CRMP1: variants seen among roughly 807,000 people sequenced by gnomAD.
CRMP1 encodes the protein collapsin response mediator protein 1.
Under a neutral mutation model 68.3 loss-of-function variants are expected in CRMP1, and 19 were observed. The ratio of observed to expected loss-of-function variants is 0.28; its 90% CI spans 0.19 to 0.41. The LOEUF (loss-of-function observed/expected upper bound fraction) is 0.41, where lower values mean the gene tolerates loss of function less well. Among genes scored for constraint, CRMP1 ranks in the 10% least tolerant of loss-of-function variants. CRMP1 has a pLI of 1.00. For synonymous variants in CRMP1, 439 were observed against 399.6 expected (o/e 1.10, Z -1.18); for missense variants, 791 against 967.4 (o/e 0.82, Z 2.42).
chr4:5,851,482 A>G lies in CRMP1; in HGVS notation c.821-13T>C. ...AAGGAATTGACGCCTGTTTCAAGAT[A>G]GAAAGGATAGAAAAATATGTTTAAG... On this transcript the variant is annotated splice_polypyrimidine_tract_variant and intron_variant, in intron 4 of 13. Transcript: ENST00000324989. The G allele has an allele frequency of 6.2e-7, 1 of 1,611,576 alleles. No individual in the cohort carries two copies. The highest frequency in any genetic ancestry group is 1.3e-5 in the African/African-American group (1 of 75,004).
chr4:5,893,069 C>G lies in CRMP1; in HGVS notation c.-100G>C, dbSNP rs1186533955. 1.2e-6 allele frequency: 1 copy of G among 832,472 alleles called. No homozygotes were observed. The highest frequency in any genetic ancestry group is 1.4e-6 in the Non-Finnish European group (1 of 691,324). 51.6% of individuals were successfully genotyped at this position (832,472 alleles called of 1,614,324 possible). On this transcript the variant is annotated 5_prime_UTR_variant, in exon 1 of 14. Transcript: ENST00000324989. ...TCCGCGCCTCGGTGCGGGCCTGCGGCGGCCCGGGCGCGACTGCGGCCCAGG... is the reference window on the plus strand; with the variant it reads ...TCCGCGCCTCGGTGCGGGCCTGCGGGGGCCCGGGCGCGACTGCGGCCCAGG...
chr4:5,892,550 CCGCCCCCCTCGTCTGGCCCGCG>C lies in CRMP1; in HGVS notation c.381+17_381+38del. On this transcript the variant is annotated intron_variant, in intron 1 of 13. Coordinates refer to ENST00000324989, the MANE Select transcript of CRMP1 (RefSeq NM_001014809.3). This position sits in a 1 kb window ranked among gnomAD's most constrained non-coding sequence, Gnocchi z 8.6. ...CCCATGCCCTGGGTCCTCCCGGGGC[CCGCCCCCCTCGTCTGGCCCGCG>C]CGCGCCCCGAGGGTACCTGGCCATT... 3 of 1,168,288 alleles carry C rather than the reference CCGCCCCCCTCGTCTGGCCCGCG, an allele frequency of 2.6e-6. No individual in the cohort carries two copies. The highest frequency in any genetic ancestry group is 3.9e-5 in the East Asian group (1 of 25,564). 72.4% of individuals were successfully genotyped at this position (1,168,288 alleles called of 1,614,324 possible).
intron 4 of CRMP1, among the ~76,000 whole-genome samples, chr4:5,851,882 G>A (rs1401379413): frequency 1.8e-5 from 2 of 110,866 alleles, no homozygotes; most frequent in African/African-American, 3.3e-5. Context: ...AAGAGGAAGA[G>A]GAAGAGGAGG....
chr4:5,828,239 A>G (rs746674517), intron 12 of CRMP1: 13 of 985,234 alleles, frequency 1.3e-5, no homozygotes, highest in African/African-American at 1.7e-5. Flanking sequence ...CCCATGATCC[A>G]CCCACCCTCA....
At chr4:5,839,312 T>C (rs965385676) in intron 9 of CRMP1, among the ~76,000 whole-genome samples, 1 of 152,174 alleles carries the variant, frequency 6.6e-6, no homozygotes, top group Non-Finnish European at 1.5e-5. Flanking sequence ...AGGTGGTCAA[T>C]TGATGTGAAT....
intron 4 of CRMP1, among the ~76,000 whole-genome samples, chr4:5,852,962 G>C (rs1234335330): frequency 6.6e-6 from 1 of 152,124 alleles, no homozygotes; most frequent in African/African-American, 2.4e-5. Context: ...GCCTCGAGCA[G>C]ATGGGAAACG....
intron 12 of CRMP1, chr4:5,827,956 G>C: frequency 1.2e-6 from 1 of 820,146 alleles, no homozygotes; most frequent in Non-Finnish European, 1.5e-6. Flanking sequence ...TCAGTGCTAA[G>C]GTTGTTCAAG....
intron 6 of CRMP1, among the ~76,000 whole-genome samples, chr4:5,844,307 T>A (rs894220710): frequency 6.7e-6 from 1 of 149,256 alleles, no homozygotes; most frequent in Non-Finnish European, 1.5e-5. Flanking sequence ...TGTGAAATTG[T>A]TTACATGTCA....
In CRMP1 at chr4:5,888,550, G is replaced by C. The variant is rs1182039821; in HGVS notation, c.381+4039C>G. The C allele has an allele frequency of 1.7e-6, 2 of 1,144,016 alleles. No homozygotes were observed. Among genetic ancestry groups the C allele is most frequent in the African/African-American group, 1.6e-5 (1 of 61,868 alleles). 70.9% of individuals were successfully genotyped at this position (1,144,016 alleles called of 1,614,324 possible). A position where few individuals can be genotyped will look rare whatever the true frequency, so the allele number is the denominator to read the frequency against. Reference sequence around the variant, plus strand: ...GAGGGGGCTGCAGACAGCTCCTCCCGGCGGCGCGGAGCGAAGCCGGATTCG... The same window carrying C: ...GAGGGGGCTGCAGACAGCTCCTCCCCGCGGCGCGGAGCGAAGCCGGATTCG... On this transcript the variant is annotated intron_variant, in intron 1 of 13. Coordinates refer to ENST00000324989, the MANE Select transcript of CRMP1 (RefSeq NM_001014809.3). This position sits in a 1 kb window ranked among gnomAD's most constrained non-coding sequence, Gnocchi z 6.4.
intron 8 of CRMP1, 44 bp from the exon 9 acceptor site, chr4:5,839,722 CTT>C (rs745454480): frequency 1.2e-5 from 19 of 1,563,254 alleles, no homozygotes; most frequent in Admixed American, 3.6e-5. Context: ...CAAATACTCT[CTT>C]GAGGCAGATG....
In CRMP1 at chr4:5,834,662, C is replaced by G. The variant is rs142402911; in HGVS notation, c.1623+1253G>C. ...CTCAGACGCTCTCCCATTGCCTCTC[C>G]TATGTGCACAGACCCCAAGCAGTGT... On this transcript the variant is annotated intron_variant, in intron 11 of 13. Coordinates refer to ENST00000324989, the MANE Select transcript of CRMP1 (RefSeq NM_001014809.3). The surrounding 1 kb of genome is among the most constrained non-coding windows in gnomAD (Gnocchi z 4.3). 1.0e-3 allele frequency among the ~76,000 whole-genome samples: 155 copies of G among 152,300 alleles called. No homozygotes were observed. The highest frequency in any genetic ancestry group is 1.8e-3 in the Admixed American group (28 of 15,306).
At chr4:5,863,324 C>CA (rs1412877330) in intron 2 of CRMP1, among the ~76,000 whole-genome samples, 1 of 152,004 alleles carries the variant, frequency 6.6e-6, no homozygotes, top group Non-Finnish European at 1.5e-5. Context: ...CAAAAGAGGA[C>CA]AGCACAACTC....
Position 5,825,775 on chromosome 4 carries a change from T to TGCACACACACACACAACAC in CRMP1, c.1804-135_1804-117dup, listed in dbSNP as rs1719470853. 1 of 967,778 alleles carries TGCACACACACACACAACAC rather than the reference T, an allele frequency of 1.0e-6. No homozygotes were observed. Among genetic ancestry groups the TGCACACACACACACAACAC allele is most frequent in the Non-Finnish European group, 1.5e-6 (1 of 652,582 alleles). The allele number at this position is 967,778 out of a possible 1,614,324, so 59.9% of individuals were successfully genotyped here. On this transcript the variant is annotated intron_variant, in intron 12 of 13. Transcript: ENST00000324989. The surrounding 1 kb of genome is among the most constrained non-coding windows in gnomAD (Gnocchi z 4.4). ...AACCTGAGGTCACTTCAAATGTGCATGCACACACACACACAACACGCACAC... is the reference window on the plus strand; with the variant it reads ...AACCTGAGGTCACTTCAAATGTGCATGCACACACACACACAACACGCACACACACACACAACACGCACAC...
chr4:5,838,936 T>C lies in CRMP1; in HGVS notation c.1310+586A>G, dbSNP rs949825921. Among the ~76,000 whole-genome samples the C allele has an allele frequency of 6.6e-6, 1 of 152,192 alleles. No individual in the cohort carries two copies. The highest frequency in any genetic ancestry group is 2.4e-5 in the African/African-American group (1 of 41,436). On this transcript the variant is annotated intron_variant, in intron 9 of 13. Coordinates refer to ENST00000324989, the MANE Select transcript of CRMP1 (RefSeq NM_001014809.3). The surrounding 1 kb of genome is among the most constrained non-coding windows in gnomAD (Gnocchi z 4.9). ...CTGCTTCCAGAGCGGCCTGGACACT[T>C]AGCCTCGCTGTGTGGCCCTGCTATT...
Position 5,853,101 on chromosome 4 carries a change from G to T in CRMP1, c.821-1632C>A, listed in dbSNP as rs1031706198. On this transcript the variant is annotated intron_variant, in intron 4 of 13. Transcript: ENST00000324989. The surrounding 1 kb of genome is among the most constrained non-coding windows in gnomAD (Gnocchi z 4.7). Reference sequence around the variant, plus strand: ...TGGGGATAATGTGGAATTGCTGAGAGCATTTAAGCTGATTAGAAAATAAAA... The same window carrying T: ...TGGGGATAATGTGGAATTGCTGAGATCATTTAAGCTGATTAGAAAATAAAA... Among the ~76,000 whole-genome samples the T allele has an allele frequency of 6.6e-5, 10 of 152,208 alleles. No individual in the cohort carries two copies. The highest frequency in any genetic ancestry group is 2.4e-4 in the African/African-American group (10 of 41,454).
chr4:5,846,424 G>C (rs1712204076), intron 6 of CRMP1, among the ~76,000 whole-genome samples: 1 of 152,200 alleles, frequency 6.6e-6, no homozygotes. Context: ...TCTCTCATCA[G>C]GGTAGCGGAG....
chr4:5,889,911 A>G lies in CRMP1; in HGVS notation c.381+2678T>C. The G allele has an allele frequency of 1.4e-6, 2 of 1,395,586 alleles. No homozygotes were observed. Among genetic ancestry groups the G allele is most frequent in the Non-Finnish European group, 1.9e-6 (2 of 1,075,042 alleles). The allele number at this position is 1,395,586 out of a possible 1,614,324, so 86.5% of individuals were successfully genotyped here. On this transcript the variant is annotated intron_variant, in intron 1 of 13. Coordinates refer to ENST00000324989, the MANE Select transcript of CRMP1 (RefSeq NM_001014809.3). This position sits in a 1 kb window ranked among gnomAD's most constrained non-coding sequence, Gnocchi z 4.5. ...GCTCAGTATCCCAGGAACACTAGGC[A>G]TAATTTTCCCATTTTACAGACAGGA...
At chr4:5,856,768 C>T (rs1239506668) in intron 3 of CRMP1, among the ~76,000 whole-genome samples, 1 of 150,382 alleles carries the variant, frequency 6.6e-6, no homozygotes, top group Non-Finnish European at 1.5e-5. Context: ...CCATCACTAT[C>T]ATCATCATTA....
At position 5,825,779 on chromosome 4, in the gene CRMP1, C is replaced by CACACACACA; in HGVS notation, c.1804-129_1804-121dup. 1 of 820,716 alleles carries CACACACACA rather than the reference C, an allele frequency of 1.2e-6. No individual in the cohort carries two copies. Among genetic ancestry groups the CACACACACA allele is most frequent in the South Asian group, 1.7e-5 (1 of 58,076 alleles). 50.8% of individuals were successfully genotyped at this position (820,716 alleles called of 1,614,324 possible). On this transcript the variant is annotated intron_variant, in intron 12 of 13. Transcript: ENST00000324989. The surrounding 1 kb of genome is among the most constrained non-coding windows in gnomAD (Gnocchi z 4.4). ...TGAGGTCACTTCAAATGTGCATGCA[C>CACACACACA]ACACACACACAACACGCACACACGA...
Sources: gnomAD v4.1 joint callset for allele counts (sites outside exome capture counted in the v4.1 genomes callset) on GRCh38, gnomAD v4.1.1 for gene constraint, Gnocchi (gnomAD v3.1) non-coding constraint, MANE v1.5 for transcripts, NCBI Gene and HGNC (gene_info 2026-07-23, HGNC 2026-07-21) for gene names.